ROBO2: variants seen among roughly 807,000 people sequenced by gnomAD.
ROBO2 encodes the protein roundabout guidance receptor 2.
Under a neutral mutation model 160.8 loss-of-function variants are expected in ROBO2, and 53 were observed. The observed-to-expected ratio is 0.33, with a 90% CI of 0.26 to 0.41. ROBO2 has a LOEUF of 0.41. ROBO2 is among the 10% of genes least tolerant of loss of function. The pLI is 1.00. For missense variants in ROBO2, 1,577 were observed against 1,722.4 expected, an observed-to-expected ratio of 0.92 and a Z score of 1.49; for synonymous variants, 664 against 611.7, an observed-to-expected ratio of 1.09 and a Z score of -1.26.
chr3:77,114,037 C>A (rs982545791), intron 2 of ROBO2, among the ~76,000 whole-genome samples: 1 of 152,128 alleles, frequency 6.6e-6, no homozygotes, highest in Non-Finnish European at 1.5e-5. Flanking sequence ...AACGAAGTAG[C>A]CTCTTTCATC....
At chr3:77,398,859 A>G (rs567928258) in intron 2 of ROBO2, among the ~76,000 whole-genome samples, 9 of 152,248 alleles carry the variant, frequency 5.9e-5, no homozygotes, top group African/African-American at 1.9e-4. Context: ...TGCTGGGACT[A>G]CAGGCATGAG....
intron 2 of ROBO2, among the ~76,000 whole-genome samples, chr3:76,709,012 C>G (rs1047413100): frequency 6.6e-6 from 1 of 152,136 alleles, no homozygotes; most frequent in Non-Finnish European, 1.5e-5. Context: ...GCCATTTACT[C>G]AAAAGGTCAA....
intron 2 of ROBO2, among the ~76,000 whole-genome samples, chr3:77,181,746 A>G (rs1304766759): frequency 3.9e-5 from 6 of 152,114 alleles, no homozygotes; most frequent in Admixed American, 3.9e-4. Context: ...TGTATCAATA[A>G]TGTTGGATCG....
At chr3:76,108,844 G>A (rs1485703797) in intron 2 of ROBO2, among the ~76,000 whole-genome samples, 1 of 150,682 alleles carries the variant, frequency 6.6e-6, no homozygotes, top group African/African-American at 2.4e-5. Flanking sequence ...GTCTAATGAG[G>A]TTACATACAG....
At chr3:77,095,135 T>A (rs930971828) in intron 1 of ROBO2, among the ~76,000 whole-genome samples, 2 of 152,108 alleles carry the variant, frequency 1.3e-5, no homozygotes, top group Non-Finnish European at 2.9e-5. Context: ...TTTCTTGTAA[T>A]CATTTCATAG....
chr3:76,720,098 T>TA (rs771014006), intron 2 of ROBO2, among the ~76,000 whole-genome samples: 1 of 152,110 alleles, frequency 6.6e-6, no homozygotes, highest in Non-Finnish European at 1.5e-5. Context: ...GATTCAGTAA[T>TA]AACAGCAGAT....
intron 2 of ROBO2, among the ~76,000 whole-genome samples, chr3:76,322,644 TA>T (rs1430597733): frequency 6.6e-6 from 1 of 152,156 alleles, no homozygotes. Flanking sequence ...TAATTAATTT[TA>T]AAAAGAAGCG....
intron 2 of ROBO2, among the ~76,000 whole-genome samples, chr3:77,144,073 T>G (rs987833962): frequency 6.6e-6 from 1 of 152,176 alleles, no homozygotes; most frequent in African/African-American, 2.4e-5. Flanking sequence ...AGACAACCTT[T>G]CCTTTTGTAA....
At chr3:76,155,766 T>G (rs2072383089) in intron 2 of ROBO2, among the ~76,000 whole-genome samples, 1 of 152,232 alleles carries the variant, frequency 6.6e-6, no homozygotes. Context: ...AAACCGCATT[T>G]TATAAATATT....
intron 24 of ROBO2, among the ~76,000 whole-genome samples, chr3:77,641,341 CATT>C (rs2095347786): frequency 6.6e-6 from 1 of 152,220 alleles, no homozygotes; most frequent in Non-Finnish European, 1.5e-5. Context: ...CAGAGACCAA[CATT>C]ATCAGTCCAA....
chr3:76,779,591 A>G (rs78155117), intron 2 of ROBO2, among the ~76,000 whole-genome samples: 14 of 151,076 alleles, frequency 9.3e-5, no homozygotes, highest in Non-Finnish European at 7.4e-5. Flanking sequence ...TATAAGTGAA[A>G]TCACATAATA....
intron 2 of ROBO2, among the ~76,000 whole-genome samples, chr3:76,617,727 A>G (rs955047989): frequency 7.2e-5 from 11 of 152,164 alleles, no homozygotes; most frequent in African/African-American, 2.7e-4. Flanking sequence ...TTATGCTGCT[A>G]TAAAGAAATA....
chr3:76,511,186 CTG>C (rs927030723), intron 2 of ROBO2, among the ~76,000 whole-genome samples: 52 of 152,190 alleles, frequency 3.4e-4, no homozygotes, highest in African/African-American at 1.1e-3. Context: ...GGACAGATAA[CTG>C]TGCTGGCCTG....
At chr3:76,017,673 A>C (rs1174210954) in intron 2 of ROBO2, among the ~76,000 whole-genome samples, 1 of 152,116 alleles carries the variant, frequency 6.6e-6, no homozygotes, top group Non-Finnish European at 1.5e-5. Context: ...TATACATACC[A>C]ATCACACACA....
In ROBO2 at chr3:76,488,032, G is replaced by A. The variant is rs559983183; in HGVS notation, c.109+550430G>A. 4.6e-5 allele frequency among the ~76,000 whole-genome samples: 7 copies of A among 152,246 alleles called. No individual in the cohort carries two copies. In the South Asian group the frequency reaches 1.4e-3, roughly 32 times the overall value. On this transcript the variant is annotated intron_variant, in intron 2 of 26. Coordinates refer to the ROBO2 transcript ENST00000487694. Reference sequence around the variant, plus strand: ...AGTCTCAGACCACACTCACACTTAAGGAGAGAGGATTACACAACCATATAA... The same window carrying A: ...AGTCTCAGACCACACTCACACTTAAAGAGAGAGGATTACACAACCATATAA...
intron 4 of ROBO2, among the ~76,000 whole-genome samples, chr3:77,492,788 T>G (rs1166585305): frequency 2.0e-5 from 3 of 152,130 alleles, no homozygotes; most frequent in African/African-American, 7.2e-5. Context: ...AAAGTACACA[T>G]TTTTTGGTTT....
chr3:76,945,838 C>T (rs955554593), intron 2 of ROBO2, among the ~76,000 whole-genome samples: 2 of 152,098 alleles, frequency 1.3e-5, no homozygotes, highest in South Asian at 2.1e-4. Flanking sequence ...GGCTTTTGAA[C>T]ATATTGGATA....
intron 2 of ROBO2, among the ~76,000 whole-genome samples, chr3:77,388,466 GTTC>G (rs2074367046): frequency 6.6e-6 from 1 of 151,992 alleles, no homozygotes; most frequent in Non-Finnish European, 1.5e-5. Flanking sequence ...CTTCCCTTTT[GTTC>G]TTCTCGCTCC....
exon 7 of ROBO2, chr3:77,546,353 T>C: frequency 6.2e-7 from 1 of 1,613,188 alleles, no homozygotes; most frequent in Non-Finnish European, 8.5e-7. Flanking sequence ...CCACAGTTTG[T>C]GGTTCGGCCA....
Sources: allele counts gnomAD v4.1 joint callset (sites outside exome capture counted in the v4.1 genomes callset), GRCh38; gene constraint gnomAD v4.1.1; transcripts MANE v1.5; gene names NCBI Gene and HGNC (gene_info 2026-07-23, HGNC 2026-07-21).